The following IQSEC1 variants were observed in gnomAD, a reference collection of about 807,000 sequenced individuals.
The protein encoded by IQSEC1 is IQ motif and Sec7 domain ArfGEF 1.
IQSEC1 carries 31 observed loss-of-function variants against 91.0 expected under a neutral mutation model. The ratio of observed to expected loss-of-function variants is 0.34; its 90% CI spans 0.26 to 0.46. IQSEC1 has a LOEUF of 0.46. Ranked by LOEUF, IQSEC1 falls within the 20% of genes least tolerant of loss-of-function variation. IQSEC1 has a pLI of 1.00. For synonymous variants in IQSEC1, 699 were observed against 662.6 expected (o/e 1.05, Z -0.84); for missense variants, 1,388 against 1,575.6 (o/e 0.88, Z 2.02).
chr3:13,210,281 G>A (rs1046027764), intron 1 of IQSEC1, among the ~76,000 whole-genome samples: 6 of 151,876 alleles, frequency 4.0e-5, no homozygotes, highest in African/African-American at 7.3e-5. Context: ...CCAAGTGCCC[G>A]GGACAGGGTA....
rs1388843420 is a variant in IQSEC1, at chr3:13,103,070, A to G, written c.303-55548T>C. On this transcript the variant is annotated intron_variant, in intron 2 of 15. Coordinates refer to the IQSEC1 transcript ENST00000648114. This position sits in a 1 kb window ranked among gnomAD's most constrained non-coding sequence, Gnocchi z 4.1. ...TCGGAAGGGACTCTGACTTCTGCGC[A>G]GGGATGCAGCTTGCTCCCATGCTCT... 2.0e-5 allele frequency among the ~76,000 whole-genome samples: 3 copies of G among 151,986 alleles called. No homozygotes were observed. Among genetic ancestry groups the G allele is most frequent in the African/African-American group, 7.3e-5 (3 of 41,368 alleles).
chr3:12,900,215 T>C lies in IQSEC1; in HGVS notation c.*768A>G. 5.1e-6 allele frequency: 5 copies of C among 982,538 alleles called. No individual in the cohort carries two copies. The highest frequency in any genetic ancestry group is 6.0e-6 in the Non-Finnish European group (5 of 827,234). 60.9% of individuals were successfully genotyped at this position (982,538 alleles called of 1,614,324 possible). ...ACTTTTTAAACAGTTAGATGCTATG[T>C]TACTTGGCACAGTTAGTAATGATTG... On this transcript the variant is annotated 3_prime_UTR_variant, in exon 14 of 14. Coordinates refer to ENST00000613206, the MANE Select transcript of IQSEC1 (RefSeq NM_001134382.3).
intron 1 of IQSEC1, among the ~76,000 whole-genome samples, chr3:13,266,246 G>A (rs1379660497): frequency 6.6e-6 from 1 of 152,208 alleles, no homozygotes; most frequent in Non-Finnish European, 1.5e-5. Flanking sequence ...AACTGCACTT[G>A]GCACATTGTG....
intron 2 of IQSEC1, among the ~76,000 whole-genome samples, chr3:13,114,770 G>A (rs1366695214): frequency 6.9e-6 from 1 of 145,882 alleles, no homozygotes; most frequent in Non-Finnish European, 1.5e-5. Flanking sequence ...TCCAGCCTGG[G>A]TGACAGAGTG....
At chr3:13,112,017 A>G (rs1706255109) in intron 2 of IQSEC1, among the ~76,000 whole-genome samples, 1 of 151,956 alleles carries the variant, frequency 6.6e-6, no homozygotes, top group Admixed American at 6.6e-5. Context: ...CAGCCCCTGC[A>G]CCCTCATTGC....
rs763945182 is a variant in IQSEC1, at chr3:12,935,573, C to T, written c.1443G>A (p.Leu481=). Residue 481 remains leucine, a synonymous_variant, in exon 3 of 14, where the codon CTG becomes CTA. Coordinates refer to ENST00000613206, the MANE Select transcript of IQSEC1 (RefSeq NM_001134382.3). The surrounding 1 kb of genome is among the most constrained non-coding windows in gnomAD (Gnocchi z 8.0). ...CSSESSSRDS[L]REQTLSKQTY... is the part of the protein sequence containing the mutation. The stretch of plus-strand genomic sequence containing the variant: ...TCTGCTTGCTGAGCGTCTGCTCCCG[C>T]AGGCTGTCACGGGACGATGACTCGG... 6.2e-7 allele frequency: 1 copy of T among 1,614,130 alleles called. No homozygotes were observed. Among genetic ancestry groups the T allele is most frequent in the African/African-American group, 1.3e-5 (1 of 75,074 alleles).
At chr3:12,975,460 T>C (rs1576090720) in intron 1 of IQSEC1, among the ~76,000 whole-genome samples, 1 of 152,200 alleles carries the variant, frequency 6.6e-6, no homozygotes, top group East Asian at 1.9e-4. Flanking sequence ...GTGTCCACAC[T>C]TAATCCTCAA....
At chr3:13,222,745 G>A (rs1273772854) in intron 1 of IQSEC1, among the ~76,000 whole-genome samples, 3 of 152,130 alleles carry the variant, frequency 2.0e-5, no homozygotes, top group Non-Finnish European at 4.4e-5. Flanking sequence ...CTTCCCCACC[G>A]GACTCCTCAG....
At chr3:12,904,331 C>T (rs550367928) in intron 12 of IQSEC1, among the ~76,000 whole-genome samples, 43 of 152,308 alleles carry the variant, frequency 2.8e-4, no homozygotes, top group African/African-American at 8.7e-4. Flanking sequence ...GCTTGTGTGA[C>T]GTGGCCCTCA....
At chr3:13,244,081 G>C (rs1447358409) in intron 1 of IQSEC1, among the ~76,000 whole-genome samples, 1 of 152,234 alleles carries the variant, frequency 6.6e-6, no homozygotes, top group African/African-American at 2.4e-5. Flanking sequence ...TTTGTGAGCA[G>C]AGCTGAAGAT....
intron 1 of IQSEC1, among the ~76,000 whole-genome samples, chr3:13,069,692 C>T (rs1259005663): frequency 1.3e-5 from 2 of 152,238 alleles, no homozygotes; most frequent in Admixed American, 1.3e-4. Flanking sequence ...ACCACAAACT[C>T]CTCACAGCCT....
At chr3:13,091,238 G>A (rs1705856153) in intron 2 of IQSEC1, among the ~76,000 whole-genome samples, 1 of 152,186 alleles carries the variant, frequency 6.6e-6, no homozygotes, top group Non-Finnish European at 1.5e-5. Flanking sequence ...TCCGAGGGCA[G>A]CAGCATCGGT....
At chr3:13,210,205 C>T (rs1486475827) in intron 1 of IQSEC1, among the ~76,000 whole-genome samples, 1 of 152,162 alleles carries the variant, frequency 6.6e-6, no homozygotes, top group Non-Finnish European at 1.5e-5. Flanking sequence ...ACTTATGTGG[C>T]TTGGGCTGTG....
intron 1 of IQSEC1, among the ~76,000 whole-genome samples, chr3:13,230,091 C>T (rs1694817949): frequency 6.6e-6 from 1 of 152,110 alleles, no homozygotes. Context: ...CTATCAAGGT[C>T]AAAACACTTT....
At chr3:12,995,416 G>C (rs1209368690) in intron 1 of IQSEC1, among the ~76,000 whole-genome samples, 1 of 152,260 alleles carries the variant, frequency 6.6e-6, no homozygotes, top group Non-Finnish European at 1.5e-5. Flanking sequence ...GGCACAGACG[G>C]ATCAGAAGTG....
At chr3:13,165,818 T>C (rs930215924) in intron 1 of IQSEC1, among the ~76,000 whole-genome samples, 6 of 152,090 alleles carry the variant, frequency 3.9e-5, no homozygotes, top group African/African-American at 1.4e-4. Context: ...GCCACACTGT[T>C]CCTGCATTTC....
rs1702186567 is a variant in IQSEC1, at chr3:12,995,283, AG to A, written c.24-53419del. Among the ~76,000 whole-genome samples the A allele has an allele frequency of 2.6e-5, 4 of 152,250 alleles. No individual in the cohort carries two copies. The East Asian group carries it at 7.7e-4, about 29-fold the overall frequency. On this transcript the variant is annotated intron_variant, in intron 1 of 13. Transcript: ENST00000613206. ...ACGAGGGGCTGTGTGACCTTGGGCA[AG>A]ACGTTTCCCCCTCTGGACTTCTGGG...
At chr3:13,252,057 G>GT (rs1219761662) in intron 1 of IQSEC1, among the ~76,000 whole-genome samples, 1 of 152,106 alleles carries the variant, frequency 6.6e-6, no homozygotes, top group East Asian at 1.9e-4. Context: ...AACACAAAAC[G>GT]TATCATCTTA....
At chr3:13,255,643 G>A (rs922415092) in intron 1 of IQSEC1, among the ~76,000 whole-genome samples, 8 of 151,988 alleles carry the variant, frequency 5.3e-5, no homozygotes, top group African/African-American at 1.9e-4. Context: ...TAGAGACAGG[G>A]TCTTGCTCTG....
Sources: allele counts gnomAD v4.1 joint callset (sites outside exome capture counted in the v4.1 genomes callset), GRCh38; gene constraint gnomAD v4.1.1; non-coding constraint Gnocchi (gnomAD v3.1); transcripts MANE v1.5; gene names NCBI Gene and HGNC (gene_info 2026-07-23, HGNC 2026-07-21).